Variants in NIPAL3 observed in about 807,000 individuals in gnomAD.
NIPAL3 encodes NIPA-like protein 3.
A neutral mutation model predicts 47.2 loss-of-function variants in NIPAL3; 41 were observed. The observed-to-expected ratio is 0.87, with a 90% confidence interval of 0.68 to 1.13. The LOEUF (loss-of-function observed/expected upper bound fraction) is 1.13. Among genes scored for constraint, NIPAL3 ranks in the 50% most tolerant of loss-of-function variants. NIPAL3 has a pLI of 0.00. For missense variants in NIPAL3, 449 were observed against 530.1 expected (o/e 0.85, Z 1.50); for synonymous variants, 194 against 209.6 (o/e 0.93, Z 0.64).
upstream of NIPAL3, chr1:24,415,769 G>C: frequency 1.1e-6 from 1 of 926,962 alleles, no homozygotes; most frequent in Non-Finnish European, 1.3e-6. Flanking sequence ...CGCGACCTTT[G>C]AAAGCAAAAC....
chr1:24,464,954 G>A (rs1646634206), intron 11 of NIPAL3: 1 of 152,202 alleles, frequency 6.6e-6, no homozygotes, highest in African/African-American at 2.4e-5. Flanking sequence ...ATGCAGGTGT[G>A]TTCTCAGGGT....
In NIPAL3 at chr1:24,429,371, A is replaced by G. The variant is rs1334825829; in HGVS notation, c.93+9731A>G. ...AATTTAAACTTGGCATTTTTTATTT[A>G]TCTAACAGTATTGAGTACTGTTAGA... On this transcript the variant is annotated intron_variant, in intron 2 of 11. Coordinates refer to ENST00000374399, the MANE Select transcript of NIPAL3 (RefSeq NM_020448.5). Among the ~76,000 whole-genome samples the G allele has an allele frequency of 3.9e-5, 6 of 152,270 alleles. No homozygotes were observed. In the East Asian group the frequency reaches 1.2e-3, roughly 29 times the overall value.
At chr1:24,434,188 A>G (rs1310802054) in intron 2 of NIPAL3, among the ~76,000 whole-genome samples, 3 of 152,186 alleles carry the variant, frequency 2.0e-5, no homozygotes, top group Non-Finnish European at 4.4e-5. Context: ...AGTATGTGCT[A>G]TCTACAAAAG....
rs761243406 is a variant in NIPAL3 at position 24,445,257 on chromosome 1, A to C, written c.394+13A>C. On this transcript the variant is annotated intron_variant, in intron 5 of 11. Coordinates refer to ENST00000374399, the MANE Select transcript of NIPAL3 (RefSeq NM_020448.5). Reference sequence around the variant, plus strand: ...AAAGACTTTCTGAGTAAGTTCAGTGATTTGAGCTGTGTCCTTGATTTTATA... The same window carrying C: ...AAAGACTTTCTGAGTAAGTTCAGTGCTTTGAGCTGTGTCCTTGATTTTATA... 2.5e-6 allele frequency: 4 copies of C among 1,583,014 alleles called. No individual in the cohort carries two copies. In the African/African-American group the frequency reaches 5.4e-5, roughly 21 times the overall value.
At chr1:24,422,230 A>C (rs1297829143) in intron 2 of NIPAL3, 1 of 152,156 alleles carries the variant, frequency 6.6e-6, no homozygotes, top group African/African-American at 2.4e-5. Flanking sequence ...CTTTCCATGA[A>C]AGCCTGTTGT....
intron 4 of NIPAL3, among the ~76,000 whole-genome samples, chr1:24,443,409 T>C (rs112303438): frequency 2.0e-5 from 3 of 152,184 alleles, no homozygotes; most frequent in African/African-American, 7.2e-5. Context: ...ATATTTTGGG[T>C]CTTATTCCTC....
chr1:24,420,620 T>C (rs970545489), intron 2 of NIPAL3, among the ~76,000 whole-genome samples: 2 of 152,242 alleles, frequency 1.3e-5, no homozygotes, highest in African/African-American at 4.8e-5. Flanking sequence ...GTATTATAAA[T>C]TTGGGGTCAC....
intron 2 of NIPAL3, among the ~76,000 whole-genome samples, chr1:24,422,637 G>A (rs1644385102): frequency 6.6e-6 from 1 of 152,196 alleles, no homozygotes; most frequent in Non-Finnish European, 1.5e-5. Context: ...TCAGCCAGGT[G>A]TGGGAATTTC....
intron 2 of NIPAL3, among the ~76,000 whole-genome samples, chr1:24,437,184 G>A (rs1245919651): frequency 6.6e-6 from 1 of 152,088 alleles, no homozygotes; most frequent in Non-Finnish European, 1.5e-5. Flanking sequence ...CCCGGGAGGT[G>A]GAGTTTGCAG....
At chr1:24,415,617 G>A (rs1228113170), upstream of NIPAL3, 1 of 153,766 alleles carries the variant, frequency 6.5e-6, no homozygotes. Context: ...TCTAGCCCCA[G>A]GTCGCTCCCT....
At chr1:24,428,544 A>G (rs1644736039) in intron 2 of NIPAL3, among the ~76,000 whole-genome samples, 1 of 152,196 alleles carries the variant, frequency 6.6e-6, no homozygotes, top group African/African-American at 2.4e-5. Context: ...AATCAGCATT[A>G]GATCAGGCCC....
chr1:24,449,765 G>T lies in NIPAL3; in HGVS notation c.540+139G>T. 1.1e-6 allele frequency: 1 copy of T among 885,258 alleles called. No homozygotes were observed. The highest frequency in any genetic ancestry group is 1.7e-5 in the South Asian group (1 of 57,510). The allele number at this position is 885,258 out of a possible 1,614,324, so 54.8% of individuals were successfully genotyped here. ...ACCAGCATGAAAGACCGTGCTTCTG[G>T]AGAGTACACAGCTCATGGCGAAATG... On this transcript the variant is annotated intron_variant, in intron 6 of 11. Coordinates refer to ENST00000374399, the MANE Select transcript of NIPAL3 (RefSeq NM_020448.5). The surrounding 1 kb of genome is among the most constrained non-coding windows in gnomAD (Gnocchi z 4.5).
At chr1:24,442,329 C>T in intron 4 of NIPAL3, 103 bp downstream of exon 4, 2 of 1,301,160 alleles carry the variant, frequency 1.5e-6, no homozygotes, top group South Asian at 2.8e-5. Context: ...CCAGCTTTAG[C>T]TTGGATAATA....
chr1:24,440,249 C>A lies in NIPAL3; in HGVS notation c.162+9C>A. 6.3e-7 allele frequency: 1 copy of A among 1,582,694 alleles called. No homozygotes were observed. Among genetic ancestry groups the A allele is most frequent in the Non-Finnish European group, 8.6e-7 (1 of 1,165,180 alleles). On this transcript the variant is annotated intron_variant, in intron 3 of 11. Transcript: ENST00000374399. Reference sequence around the variant, plus strand: ...TTGCACTTAACCTCCAGGTAAGTTTCAGTTACCAGCACTGTCTGGGGACAG... The same window carrying A: ...TTGCACTTAACCTCCAGGTAAGTTTAAGTTACCAGCACTGTCTGGGGACAG...
chr1:24,422,331 G>C (rs1188183420), intron 2 of NIPAL3, among the ~76,000 whole-genome samples: 2 of 152,134 alleles, frequency 1.3e-5, no homozygotes, highest in Non-Finnish European at 2.9e-5. Flanking sequence ...TCTTGGGCCA[G>C]CTCTGTCATC....
chr1:24,429,095 A>G (rs1644763278), intron 2 of NIPAL3, among the ~76,000 whole-genome samples: 1 of 152,222 alleles, frequency 6.6e-6, no homozygotes, highest in Non-Finnish European at 1.5e-5. Context: ...ATATGAAACT[A>G]CCATCTTTAT....
chr1:24,456,060 G>T, intron 7 of NIPAL3, 78 bp from the exon 8 acceptor site: 1 of 1,559,244 alleles, frequency 6.4e-7, no homozygotes, highest in South Asian at 1.2e-5. Context: ...AGTCCTTTGG[G>T]GTTATAGACT....
Position 24,464,121 on chromosome 1 carries a change from G to T in NIPAL3, c.1021+1G>T, listed in dbSNP as rs1646596238. ...TATATTTCCATGGATGCCATGCCAG[G>T]TAAGGTTAAAGCCCCGTGGGTCTAG... On this transcript the variant is annotated splice_donor_variant, in intron 11 of 11. Coordinates refer to ENST00000374399, the MANE Select transcript of NIPAL3 (RefSeq NM_020448.5). LOFTEE classifies it high-confidence loss of function. 1.2e-6 allele frequency: 2 copies of T among 1,612,196 alleles called. No individual in the cohort carries two copies. The highest frequency in any genetic ancestry group is 1.3e-5 in the African/African-American group (1 of 74,886).
At chr1:24,417,745 G>T (rs1445309301) in intron 1 of NIPAL3, among the ~76,000 whole-genome samples, 1 of 152,188 alleles carries the variant, frequency 6.6e-6, no homozygotes, top group Admixed American at 6.5e-5. Flanking sequence ...CCCAGGACTG[G>T]ACATGGTGTT....
Sources: gnomAD v4.1 joint callset for allele counts (sites outside exome capture counted in the v4.1 genomes callset) on GRCh38, gnomAD v4.1.1 for gene constraint, Gnocchi (gnomAD v3.1) non-coding constraint, MANE v1.5 for transcripts, NCBI Gene and HGNC (gene_info 2026-07-23, HGNC 2026-07-21) for gene names.